The following ADCY2 variants were observed in gnomAD, a reference collection of about 807,000 sequenced individuals.
The protein encoded by ADCY2 is adenylate cyclase 2.
Under a neutral mutation model 125.2 loss-of-function variants are expected in ADCY2, and 31 were observed. That is an observed-to-expected ratio of 0.25 (90% CI 0.19 to 0.33). The LOEUF (loss-of-function observed/expected upper bound fraction) is 0.33, where lower values mean the gene tolerates loss of function less well. Ranked by LOEUF, ADCY2 falls within the 10% of genes least tolerant of loss-of-function variation. ADCY2 has a pLI of 1.00. For synonymous variants in ADCY2, 512 were observed against 548.4 expected, an observed-to-expected ratio of 0.93 and a Z score of 0.93; for missense variants, 904 against 1,418.2, an observed-to-expected ratio of 0.64 and a Z score of 5.82.
chr5:7,754,439 A>G (rs577927871), intron 15 of ADCY2, among the ~76,000 whole-genome samples: 1 of 152,264 alleles, frequency 6.6e-6, no homozygotes, highest in Non-Finnish European at 1.5e-5. Context: ...TAACATTTTC[A>G]TTATCATATC....
chr5:7,746,105 C>T (rs1278775056), intron 15 of ADCY2: 1 of 152,594 alleles, frequency 6.6e-6, no homozygotes, highest in Non-Finnish European at 1.5e-5. Flanking sequence ...TGGAGCTTCC[C>T]AGGACCCTGG....
intron 2 of ADCY2, among the ~76,000 whole-genome samples, chr5:7,454,134 ATGTCTGACCAGC>A (rs954605832): frequency 4.6e-5 from 7 of 152,132 alleles, no homozygotes; most frequent in Non-Finnish European, 1.0e-4. Flanking sequence ...TGCCCTGTTC[ATGTCTGACCAGC>A]TGTCTTCTGT....
intron 2 of ADCY2, among the ~76,000 whole-genome samples, chr5:7,495,732 CG>C (rs1665101214): frequency 6.6e-6 from 1 of 152,054 alleles, no homozygotes; most frequent in Non-Finnish European, 1.5e-5. Context: ...GAACGTTATG[CG>C]AGTATGCTAA....
intron 2 of ADCY2, among the ~76,000 whole-genome samples, chr5:7,429,014 CAGAGAGAGAG>C (rs3033090): frequency 6.7e-6 from 1 of 149,768 alleles, no homozygotes; most frequent in Non-Finnish European, 1.5e-5. Flanking sequence ...AAGAGTTGCA[CAGAGAGAGAG>C]AGAGAGAGAG....
intron 21 of ADCY2, among the ~76,000 whole-genome samples, chr5:7,804,069 A>AGAGAGAGAGAGAGATAGAGAGC (rs1553990875): frequency 7.1e-6 from 1 of 140,444 alleles, no homozygotes; most frequent in Non-Finnish European, 1.5e-5. Flanking sequence ...AGAGAGAGAG[A>AGAGAGAGAGAGAGATAGAGAGC]GAGAGCTGGT....
chr5:7,809,133 A>C (rs1236868930), intron 22 of ADCY2, among the ~76,000 whole-genome samples: 1 of 152,202 alleles, frequency 6.6e-6, no homozygotes, highest in Non-Finnish European at 1.5e-5. Flanking sequence ...TAATAATAAT[A>C]TAGTTGTGGT....
chr5:7,585,198 G>A (rs908293938), intron 3 of ADCY2, among the ~76,000 whole-genome samples: 5 of 151,984 alleles, frequency 3.3e-5, no homozygotes, highest in Admixed American at 1.3e-4. Context: ...CATTTTCTAC[G>A]TGGCAATTTC....
At position 7,813,599 on chromosome 5, in the gene ADCY2, C is replaced by T. The variant is rs934973531; in HGVS notation, c.2884-3267C>T. Among the ~76,000 whole-genome samples the T allele has an allele frequency of 3.9e-5, 6 of 152,160 alleles. 1 individual carries two copies. The highest frequency in any genetic ancestry group is 1.2e-4 in the African/African-American group (5 of 41,430). ...CTTCATACTGCCATCAGGTATTTAT[C>T]GAGACCAAACTTATGAAGACTTGTT... On this transcript the variant is annotated intron_variant, in intron 22 of 24. Transcript: ENST00000338316.
At chr5:7,550,647 C>T (rs1454829194) in intron 3 of ADCY2, among the ~76,000 whole-genome samples, 2 of 152,184 alleles carry the variant, frequency 1.3e-5, no homozygotes, top group Non-Finnish European at 2.9e-5. Flanking sequence ...CCACAGCCAG[C>T]ATCCCTGTGT....
chr5:7,580,392 A>G (rs1736391165), intron 3 of ADCY2, among the ~76,000 whole-genome samples: 1 of 152,158 alleles, frequency 6.6e-6, no homozygotes, highest in Non-Finnish European at 1.5e-5. Context: ...AGAAATAGAA[A>G]CTATAAGAAG....
At chr5:7,517,665 A>G (rs1744298908) in intron 2 of ADCY2, among the ~76,000 whole-genome samples, 1 of 152,200 alleles carries the variant, frequency 6.6e-6, no homozygotes, top group African/African-American at 2.4e-5. Context: ...TAATTTTGCC[A>G]TCTCATAATG....
chr5:7,650,037 C>T (rs978999000), intron 4 of ADCY2, among the ~76,000 whole-genome samples: 2 of 152,174 alleles, frequency 1.3e-5, no homozygotes, highest in Non-Finnish European at 2.9e-5. Flanking sequence ...CATTCTTCTC[C>T]CTGGACCTCA....
At chr5:7,464,497 C>T (rs1484063086) in intron 2 of ADCY2, among the ~76,000 whole-genome samples, 1 of 152,188 alleles carries the variant, frequency 6.6e-6, no homozygotes, top group Non-Finnish European at 1.5e-5. Context: ...CAATTCCTAA[C>T]CCACAAAATT....
chr5:7,788,210 C>T (rs1310990047), intron 19 of ADCY2, among the ~76,000 whole-genome samples: 4 of 152,180 alleles, frequency 2.6e-5, no homozygotes, highest in Admixed American at 6.5e-5. Context: ...GACAGAGTCT[C>T]GTTCTGTTTC....
chr5:7,612,369 G>T (rs1213866525), intron 3 of ADCY2, among the ~76,000 whole-genome samples: 1 of 152,132 alleles, frequency 6.6e-6, no homozygotes, highest in Non-Finnish European at 1.5e-5. Context: ...GTCTTTGTTT[G>T]GGCTTCCCAG....
At chr5:7,403,612 T>C (rs1739349045) in intron 1 of ADCY2, among the ~76,000 whole-genome samples, 1 of 152,234 alleles carries the variant, frequency 6.6e-6, no homozygotes, top group African/African-American at 2.4e-5. Context: ...TCTTTCTATA[T>C]GCTCAACTAA....
At chr5:7,402,395 CTTTG>C (rs1368062631) in intron 1 of ADCY2, among the ~76,000 whole-genome samples, 1 of 152,182 alleles carries the variant, frequency 6.6e-6, no homozygotes, top group Non-Finnish European at 1.5e-5. Flanking sequence ...TAGGAGAAGA[CTTTG>C]TTTGTTCAAC....
intron 3 of ADCY2, among the ~76,000 whole-genome samples, chr5:7,557,445 T>G (rs12519735): frequency 0.3 from 45,560 of 151,628 alleles, 8,003 homozygotes; most frequent in Non-Finnish European, 0.4. Flanking sequence ...TGTCCTGGGG[T>G]TTTGTTGTAC....
chr5:7,469,296 C>T (rs527485259), intron 2 of ADCY2, among the ~76,000 whole-genome samples: 1 of 152,004 alleles, frequency 6.6e-6, no homozygotes, highest in Admixed American at 6.5e-5. Flanking sequence ...TGAGTACATT[C>T]ATTTTTATAC....
Sources: gnomAD v4.1 joint callset for allele counts (sites outside exome capture counted in the v4.1 genomes callset) on GRCh38, gnomAD v4.1.1 for gene constraint, MANE v1.5 for transcripts, NCBI Gene and HGNC (gene_info 2026-07-23, HGNC 2026-07-21) for gene names.